Variants in ATP2A2 observed in about 807,000 individuals in gnomAD.
ATP2A2 encodes sarcoplasmic/endoplasmic reticulum calcium ATPase 2.
ATP2A2 carries 14 observed loss-of-function variants against 109.3 expected under a neutral mutation model. The observed-to-expected ratio is 0.13, with a 90% confidence interval of 0.08 to 0.20. The LOEUF is 0.20. Among genes scored for constraint, ATP2A2 ranks in the 10% least tolerant of loss-of-function variants. The probability of loss-of-function intolerance (pLI) is 1.00; values close to 1 mark genes in which losing one functional copy is unlikely to be tolerated. For synonymous variants in ATP2A2, 506 were observed against 490.9 expected (o/e 1.03, Z -0.41); for missense variants, 657 against 1,321.6 (o/e 0.50, Z 7.80).
Position 110,347,256 on chromosome 12 carries a change from A to G in ATP2A2, c.*786A>G, listed in dbSNP as rs1327389923. 2.0e-5 allele frequency: 25 copies of G among 1,229,748 alleles called. No homozygotes were observed. Among genetic ancestry groups the G allele is most frequent in the South Asian group, 2.8e-5 (2 of 70,578 alleles). The allele number at this position is 1,229,748 out of a possible 1,614,324, so 76.2% of individuals were successfully genotyped here. ...TTGTAACAGACATTGTTTTGCCAAC[A>G]TTGCCTATTTCAGTGGCACGTCATC... On this transcript the variant is annotated 3_prime_UTR_variant, in exon 20 of 20. Transcript: ENST00000539276.
intron 7 of ATP2A2, among the ~76,000 whole-genome samples, chr12:110,326,916 A>G (rs1877862557): frequency 6.6e-6 from 1 of 152,222 alleles, no homozygotes; most frequent in Non-Finnish European, 1.5e-5. Context: ...TCATTTTACT[A>G]TTTCACTTTT....
intron 8 of ATP2A2, chr12:110,332,319 G>A (rs1878413403): frequency 2.3e-6 from 1 of 437,310 alleles, no homozygotes. Context: ...TGTCTTTGGT[G>A]CCACTGCTGC....
chr12:110,346,590 A>G lies in ATP2A2; in HGVS notation c.*120A>G. ...CATACTGGCTGGTGATGGAGGTTTC[A>G]TACTCTAGATTTTGTTTTGCTTTTT... On this transcript the variant is annotated 3_prime_UTR_variant, in exon 20 of 20. Transcript: ENST00000539276. 1 of 1,525,512 alleles carries G rather than the reference A, an allele frequency of 6.6e-7. No individual in the cohort carries two copies. Among genetic ancestry groups the G allele is most frequent in the Non-Finnish European group, 8.7e-7 (1 of 1,143,184 alleles). 94.5% of individuals were successfully genotyped at this position (1,525,512 alleles called of 1,614,324 possible).
rs1441173305 is a variant in ATP2A2, at chr12:110,340,156, A to C, written c.1761+435A>C. On this transcript the variant is annotated intron_variant, in intron 13 of 19. Transcript: ENST00000539276. The surrounding 1 kb of genome is among the most constrained non-coding windows in gnomAD (Gnocchi z 6.0). ...TCCTAAAGCTATGAACAAAATGAAGAAGCTTTGGTACTGTGGGCTCAGAAT... is the reference window on the plus strand; with the variant it reads ...TCCTAAAGCTATGAACAAAATGAAGCAGCTTTGGTACTGTGGGCTCAGAAT... 6.6e-6 allele frequency among the ~76,000 whole-genome samples: 1 copy of C among 152,232 alleles called. No individual in the cohort carries two copies. The highest frequency in any genetic ancestry group is 1.5e-5 in the Non-Finnish European group (1 of 68,044).
intron 6 of ATP2A2, 119 bp from the exon 7 acceptor site, chr12:110,326,271 C>A: frequency 1.0e-6 from 1 of 971,512 alleles, no homozygotes; most frequent in Non-Finnish European, 1.6e-6. Flanking sequence ...GGCCTTTTGC[C>A]AACCTTTTCT....
At chr12:110,332,770 A>T in intron 9 of ATP2A2, 85 bp downstream of exon 9, 2 of 1,228,180 alleles carry the variant, frequency 1.6e-6, no homozygotes, top group Non-Finnish European at 2.4e-6. Context: ...CAAAGTTAAG[A>T]CAGCTTTCTG....
At chr12:110,282,022 C>A in intron 1 of ATP2A2, 115 bp downstream of exon 1, 2 of 797,452 alleles carry the variant, frequency 2.5e-6, no homozygotes, top group Non-Finnish European at 3.6e-6. Flanking sequence ...CAGCTGCGGG[C>A]GGAGGGTCGG....
At chr12:110,345,969 G>T in intron 18 of ATP2A2, 32 bp from the exon 19 acceptor site, 1 of 1,605,968 alleles carries the variant, frequency 6.2e-7, no homozygotes, top group Admixed American at 1.7e-5. Flanking sequence ...TTGCCTTGGG[G>T]GTGCGTTTCC....
In ATP2A2 at chr12:110,281,937, C is replaced by T. The variant is rs768999707; in HGVS notation, c.118+30C>T. The T allele has an allele frequency of 3.3e-6, 5 of 1,529,044 alleles. No individual in the cohort carries two copies. The African/African-American group carries it at 5.7e-5, about 17-fold the overall frequency. 94.7% of individuals were successfully genotyped at this position (1,529,044 alleles called of 1,614,324 possible). A position where few individuals can be genotyped will look rare whatever the true frequency, so the allele number is the denominator to read the frequency against. ...GTGCAGGGCGCTCCGCTGCAGGGGC[C>T]CGGCGCGGCCGGGAGAGCCAGGGAA... On this transcript the variant is annotated intron_variant, in intron 1 of 19. Coordinates refer to ENST00000539276, the MANE Select transcript of ATP2A2 (RefSeq NM_170665.4).
At chr12:110,337,068 C>G (rs1396976605) in intron 11 of ATP2A2, among the ~76,000 whole-genome samples, 1 of 152,178 alleles carries the variant, frequency 6.6e-6, no homozygotes, top group Non-Finnish European at 1.5e-5. Flanking sequence ...TAGCCAGTGA[C>G]CACACAAGTA....
chr12:110,306,869 C>T (rs1360537641), intron 5 of ATP2A2, among the ~76,000 whole-genome samples: 1 of 152,016 alleles, frequency 6.6e-6, no homozygotes. Flanking sequence ...TTCAGGCCAT[C>T]CTCCCACCTC....
chr12:110,301,695 T>C (rs1011014896), intron 5 of ATP2A2, among the ~76,000 whole-genome samples: 1 of 152,224 alleles, frequency 6.6e-6, no homozygotes. Context: ...TATTTATTCA[T>C]CTGCTAAAAA....
At chr12:110,334,407 T>G in intron 11 of ATP2A2, 1 of 488,870 alleles carries the variant, frequency 2.0e-6, no homozygotes, top group Non-Finnish European at 3.7e-6. Context: ...CTGTGAACAG[T>G]GTTCTTGCTC....
chr12:110,338,602 G>A (rs1216767582), intron 11 of ATP2A2, among the ~76,000 whole-genome samples: 1 of 152,110 alleles, frequency 6.6e-6, no homozygotes, highest in East Asian at 1.9e-4. Context: ...GGGATTACAG[G>A]TGCCTGCCAC....
chr12:110,311,094 C>T (rs181498991), intron 5 of ATP2A2, among the ~76,000 whole-genome samples: 31 of 152,134 alleles, frequency 2.0e-4, no homozygotes, highest in Non-Finnish European at 3.4e-4. Context: ...TCCATGTGGA[C>T]TTTTTTTTGC....
At chr12:110,332,788 CTCAAG>C in intron 9 of ATP2A2, 103 bp downstream of exon 9, 4 of 1,024,454 alleles carry the variant, frequency 3.9e-6, no homozygotes, top group Non-Finnish European at 6.2e-6. Context: ...CTGAATGTGG[CTCAAG>C]TCAACACTTA....
intron 8 of ATP2A2, chr12:110,329,471 C>CAAT (rs1261885237): frequency 6.5e-6 from 1 of 152,982 alleles, no homozygotes; most frequent in Non-Finnish European, 1.5e-5. Context: ...GGCTGTAGTG[C>CAAT]AATGGCCCGA....
chr12:110,305,678 G>A (rs916425245), intron 5 of ATP2A2, among the ~76,000 whole-genome samples: 1 of 152,170 alleles, frequency 6.6e-6, no homozygotes, highest in East Asian at 1.9e-4. Context: ...GAACTTGGGA[G>A]TGTAACTTTG....
At chr12:110,281,171 T>C (rs951543884), upstream of ATP2A2, 2 of 149,218 alleles carry the variant, frequency 1.3e-5, no homozygotes, top group East Asian at 2.0e-4. Flanking sequence ...CGCGCCGCGC[T>C]GGGCGCTCTC....
Sources: allele counts gnomAD v4.1 joint callset (sites outside exome capture counted in the v4.1 genomes callset), GRCh38; gene constraint gnomAD v4.1.1; non-coding constraint Gnocchi (gnomAD v3.1); transcripts MANE v1.5; gene names NCBI Gene and HGNC (gene_info 2026-07-23, HGNC 2026-07-21).